TMTC4: variants seen among roughly 807,000 people sequenced by gnomAD.
TMTC4 encodes protein O-mannosyl-transferase TMTC4.
Under a neutral mutation model 86.0 loss-of-function variants are expected in TMTC4, and 65 were observed. That is an observed-to-expected ratio of 0.76 (90% CI 0.62 to 0.93). The LOEUF is 0.93. Ranked by LOEUF, TMTC4 falls within the 40% of genes least tolerant of loss-of-function variation. TMTC4 has a pLI of 0.00. For synonymous variants in TMTC4, 379 were observed against 382.5 expected (o/e 0.99, Z 0.11); for missense variants, 866 against 948.1 (o/e 0.91, Z 1.14).
intron 4 of TMTC4, among the ~76,000 whole-genome samples, chr13:100,663,794 T>C (rs1208677969): frequency 6.6e-6 from 1 of 152,204 alleles, no homozygotes; most frequent in Non-Finnish European, 1.5e-5. Flanking sequence ...AATGCATCTA[T>C]TAAGTGCAAG....
intron 5 of TMTC4, among the ~76,000 whole-genome samples, chr13:100,660,429 TG>T (rs1440353965): frequency 1.5e-4 from 23 of 152,130 alleles, no homozygotes; most frequent in African/African-American, 5.3e-4. Context: ...AAATGTACAC[TG>T]AGACAAATGG....
At chr13:100,646,224 G>A (rs546442911) in intron 6 of TMTC4, among the ~76,000 whole-genome samples, 2 of 152,270 alleles carry the variant, frequency 1.3e-5, no homozygotes, top group South Asian at 4.1e-4. Context: ...ACGGCTGGAC[G>A]GCTGGCACCA....
At chr13:100,630,086 T>C (rs1046013331) in intron 12 of TMTC4, among the ~76,000 whole-genome samples, 9 of 151,578 alleles carry the variant, frequency 5.9e-5, no homozygotes, top group African/African-American at 1.9e-4. Context: ...TGTGTGTTTA[T>C]AGCAGCCTGA....
At chr13:100,634,684 C>T in intron 12 of TMTC4, 121 bp downstream of exon 12, 1 of 1,244,484 alleles carries the variant, frequency 8.0e-7, no homozygotes, top group East Asian at 2.7e-5. Context: ...AAAGAAAAAC[C>T]CAAGTATTCG....
chr13:100,657,164 T>A (rs927865553), intron 5 of TMTC4, among the ~76,000 whole-genome samples: 1 of 152,332 alleles, frequency 6.6e-6, no homozygotes, highest in African/African-American at 2.4e-5. Flanking sequence ...GAAAATGTTA[T>A]CAGCTCAAAG....
chr13:100,625,762 A>C (rs1390795114), intron 14 of TMTC4, 23 bp downstream of exon 14: 2 of 1,610,906 alleles, frequency 1.2e-6, no homozygotes, highest in Non-Finnish European at 1.7e-6. Context: ...TGTCACTAGC[A>C]TAATTATAAA....
rs1343494770 is a variant in TMTC4, at chr13:100,604,806, A to G, written c.*188T>C. ...GTCTGAAAAAATACAATTTCAATGAAAAATCATATCACGCATTCAAGAGTA... is the reference window on the plus strand; with the variant it reads ...GTCTGAAAAAATACAATTTCAATGAGAAATCATATCACGCATTCAAGAGTA... On this transcript the variant is annotated 3_prime_UTR_variant, in exon 19 of 19. Coordinates refer to ENST00000342624, the MANE Select transcript of TMTC4 (RefSeq NM_032813.5). 11 of 496,024 alleles carry G rather than the reference A, an allele frequency of 2.2e-5. No homozygotes were observed. The highest frequency in any genetic ancestry group is 3.5e-5 in the Non-Finnish European group (11 of 311,168). 30.7% of individuals were successfully genotyped at this position (496,024 alleles called of 1,614,324 possible). A position where few individuals can be genotyped will look rare whatever the true frequency, so the allele number is the denominator to read the frequency against.
At chr13:100,664,591 G>A (rs1164427889) in intron 3 of TMTC4, among the ~76,000 whole-genome samples, 5 of 152,118 alleles carry the variant, frequency 3.3e-5, no homozygotes, top group African/African-American at 1.2e-4. Context: ...CCCGAACTCT[G>A]CAGGCCCATA....
chr13:100,635,240 C>A, intron 10 of TMTC4, 45 bp from the exon 11 acceptor site: 2 of 1,480,064 alleles, frequency 1.4e-6, no homozygotes, highest in Non-Finnish European at 1.8e-6. Flanking sequence ...TTCCAGACTT[C>A]TCAAGAAAAA....
intron 16 of TMTC4, among the ~76,000 whole-genome samples, chr13:100,612,986 A>C (rs1247280802): frequency 2.0e-5 from 3 of 152,164 alleles, no homozygotes; most frequent in African/African-American, 4.8e-5. Context: ...CTGACACATA[A>C]CTGTACATAT....
At chr13:100,658,494 A>C (rs1885380921) in intron 5 of TMTC4, among the ~76,000 whole-genome samples, 1 of 152,096 alleles carries the variant, frequency 6.6e-6, no homozygotes, top group Admixed American at 6.5e-5. Context: ...AATCCAGACA[A>C]GCCTGTCCGA....
chr13:100,626,143 T>C lies in TMTC4; in HGVS notation c.1514A>G (p.Tyr505Cys), dbSNP rs749689440. The change falls in exon 13 of 19, where the codon TAC (tyrosine) becomes TGC (cysteine). Residue 505 changes from tyrosine (Y) to cysteine (C), a missense_variant. Coordinates refer to ENST00000342624, the MANE Select transcript of TMTC4 (RefSeq NM_032813.5). ...SVCPLNAKVH[Y>C]NIGKNLADKG... ...ATCAGCCAGGTTTTTGCCAATGTTG[T>C]AGTGAACCTGCAGACAGAGAATAAT... The C allele has an allele frequency of 6.2e-7, 1 of 1,614,154 alleles. No homozygotes were observed. The highest frequency in any genetic ancestry group is 8.5e-7 in the Non-Finnish European group (1 of 1,180,018).
chr13:100,641,144 C>CAG (rs959476162), intron 7 of TMTC4, among the ~76,000 whole-genome samples: 4 of 152,180 alleles, frequency 2.6e-5, no homozygotes, highest in African/African-American at 9.6e-5. Context: ...ATATTACACA[C>CAG]AGAGAGACTT....
Position 100,629,426 on chromosome 13 carries a change from C to T in TMTC4, c.1507-3276G>A, listed in dbSNP as rs1881017397. ...GTCTTTCCTCACGGTGGCTCGAGGC[C>T]GTGGCTGCTGTGACCCTCTCTTCTG... On this transcript the variant is annotated intron_variant, in intron 12 of 18. Coordinates refer to ENST00000342624, the MANE Select transcript of TMTC4 (RefSeq NM_032813.5). 2.0e-5 allele frequency among the ~76,000 whole-genome samples: 3 copies of T among 152,164 alleles called. No homozygotes were observed. In the South Asian group the frequency reaches 6.2e-4, roughly 32 times the overall value.
At chr13:100,620,053 C>A (rs945255466) in intron 15 of TMTC4, among the ~76,000 whole-genome samples, 1 of 152,164 alleles carries the variant, frequency 6.6e-6, no homozygotes, top group African/African-American at 2.4e-5. Flanking sequence ...AGCATCTACA[C>A]GAAGGGAACA....
intron 17 of TMTC4, among the ~76,000 whole-genome samples, chr13:100,609,961 T>C (rs995632495): frequency 1.3e-5 from 2 of 152,196 alleles, no homozygotes; most frequent in African/African-American, 2.4e-5. Context: ...AAATAGGTTC[T>C]GGAAGCCTGA....
At chr13:100,664,089 G>A (rs1384304601) in intron 4 of TMTC4, 132 bp downstream of exon 4, 1 of 632,736 alleles carries the variant, frequency 1.6e-6, no homozygotes, top group Non-Finnish European at 2.6e-6. Context: ...CCATGTATAT[G>A]AGCAGCTCAG....
At chr13:100,629,332 G>A (rs1465423071) in intron 12 of TMTC4, among the ~76,000 whole-genome samples, 1 of 152,122 alleles carries the variant, frequency 6.6e-6, no homozygotes, top group Non-Finnish European at 1.5e-5. Context: ...ATGGTAAGAT[G>A]GTGTGTAGCT....
intron 15 of TMTC4, among the ~76,000 whole-genome samples, chr13:100,615,582 A>G (rs1878353495): frequency 6.6e-6 from 1 of 152,162 alleles, no homozygotes; most frequent in Non-Finnish European, 1.5e-5. Flanking sequence ...CCTCCTGAGC[A>G]GCTGGGATCA....
Sources: allele counts gnomAD v4.1 joint callset (sites outside exome capture counted in the v4.1 genomes callset), GRCh38; gene constraint gnomAD v4.1.1; transcripts MANE v1.5; gene names NCBI Gene and HGNC (gene_info 2026-07-23, HGNC 2026-07-21).